Variants in PTK2 observed in about 807,000 individuals in gnomAD.
PTK2 encodes the protein focal adhesion kinase 1.
In PTK2, 45 loss-of-function variants were observed where a neutral mutation model predicts 150.1. That is an observed-to-expected ratio of 0.30 (90% confidence interval 0.24 to 0.38). The LOEUF is 0.38. Ranked by LOEUF, PTK2 falls within the 10% of genes least tolerant of loss-of-function variation. The probability of loss-of-function intolerance (pLI) is 1.00; values close to 1 mark genes in which losing one functional copy is unlikely to be tolerated. For synonymous variants in PTK2, 432 were observed against 449.2 expected, an observed-to-expected ratio of 0.96 and a Z score of 0.48; for missense variants, 919 against 1,307.3, an observed-to-expected ratio of 0.70 and a Z score of 4.58.
chr8:140,946,970 GA>G (rs1397540644), intron 1 of PTK2, among the ~76,000 whole-genome samples: 1 of 152,002 alleles, frequency 6.6e-6, no homozygotes, highest in East Asian at 1.9e-4. Context: ...AACAAGCCTG[GA>G]AAAAAGTCCA....
At chr8:140,726,097 T>G (rs997740671) in intron 22 of PTK2, among the ~76,000 whole-genome samples, 1 of 151,950 alleles carries the variant, frequency 6.6e-6, no homozygotes, top group African/African-American at 2.4e-5. Context: ...AAATAAAATC[T>G]CCATTGGATG....
At chr8:140,861,405 A>G (rs2100136015) in intron 5 of PTK2, among the ~76,000 whole-genome samples, 1 of 152,186 alleles carries the variant, frequency 6.6e-6, no homozygotes, top group African/African-American at 2.4e-5. Context: ...AATTTAACAG[A>G]TTTTTAAAAA....
chr8:140,925,610 A>C, intron 2 of PTK2, 51 bp downstream of exon 2: 1 of 966,852 alleles, frequency 1.0e-6, no homozygotes, highest in Non-Finnish European at 1.2e-6. Context: ...AAAAGGTGAC[A>C]GTACTGGCAT....
intron 1 of PTK2, among the ~76,000 whole-genome samples, chr8:141,000,113 ACACACACACACACC>A (rs1255437351): frequency 4.0e-5 from 6 of 150,164 alleles, no homozygotes; most frequent in South Asian, 2.1e-4. Context: ...ACACACACAC[ACACACACACACACC>A]CCTTCTTCTA....
chr8:140,990,910 ACT>A (rs967992587), intron 1 of PTK2, among the ~76,000 whole-genome samples: 1 of 151,768 alleles, frequency 6.6e-6, no homozygotes, highest in Non-Finnish European at 1.5e-5. Context: ...TGGACGGGAG[ACT>A]CTTTTTCACT....
At chr8:140,927,974 AAAT>A (rs1397379617) in intron 1 of PTK2, among the ~76,000 whole-genome samples, 3,591 of 63,784 alleles carry the variant, frequency 0.056, 54 homozygotes, top group Non-Finnish European at 0.081. Flanking sequence ...AAAAAAAAAA[AAAT>A]ATATATATAT....
chr8:140,902,924 G>GTTTTTTTTTTTTTTTTTTTTTT (rs61261890), intron 2 of PTK2, among the ~76,000 whole-genome samples: 1 of 58,950 alleles, frequency 1.7e-5, no homozygotes, highest in Non-Finnish European at 3.8e-5. Flanking sequence ...GATGAGAGTT[G>GTTTTTTTTTTTTTTTTTTTTTT]TTTTTTTTTT....
intron 1 of PTK2, among the ~76,000 whole-genome samples, chr8:140,985,843 G>T (rs1359594170): frequency 6.6e-6 from 1 of 151,860 alleles, no homozygotes. Context: ...ATACTTAATA[G>T]TTATCTACTC....
At chr8:140,796,950 C>T (rs1185123717) in intron 12 of PTK2, among the ~76,000 whole-genome samples, 1 of 152,090 alleles carries the variant, frequency 6.6e-6, no homozygotes, top group Non-Finnish European at 1.5e-5. Flanking sequence ...CATAGTATTA[C>T]ATCATGTATG....
chr8:140,709,078 T>C (rs1181193583), intron 23 of PTK2, among the ~76,000 whole-genome samples: 1 of 152,170 alleles, frequency 6.6e-6, no homozygotes, highest in African/African-American at 2.4e-5. Flanking sequence ...AGCAATATTA[T>C]AACCCCTATT....
intron 22 of PTK2, among the ~76,000 whole-genome samples, chr8:140,727,581 T>TA (rs529532749): frequency 3.2e-4 from 49 of 151,788 alleles, no homozygotes; most frequent in Non-Finnish European, 5.4e-4. Context: ...CAAAATCGCT[T>TA]AAAAAAAACA....
intron 2 of PTK2, among the ~76,000 whole-genome samples, chr8:140,895,391 G>A (rs562837478): frequency 1.4e-3 from 208 of 152,174 alleles, no homozygotes; most frequent in Non-Finnish European, 2.1e-3. Context: ...GCATGGTGGT[G>A]TGTGCCTGTA....
chr8:140,745,521 G>T lies in PTK2; in HGVS notation c.1519-754C>A, dbSNP rs2100058188. On this transcript the variant is annotated intron_variant, in intron 18 of 31. Transcript: ENST00000522684. ...CATAAGCACTCCATTTGATTTGGTG[G>T]AGGAGGAAGAGATGTTCAGCTGATG... Among the ~76,000 whole-genome samples, 4 of 152,296 alleles carry T rather than the reference G, an allele frequency of 2.6e-5. No individual in the cohort carries two copies. The South Asian group carries it at 6.2e-4, about 24-fold the overall frequency.
intron 26 of PTK2, among the ~76,000 whole-genome samples, chr8:140,697,035 G>A (rs2100027017): frequency 6.6e-6 from 1 of 151,138 alleles, no homozygotes; most frequent in South Asian, 2.1e-4. Flanking sequence ...TTGGGAGGCT[G>A]AGGTGGGAGG....
At chr8:140,731,079 C>T (rs1215208208) in intron 22 of PTK2, among the ~76,000 whole-genome samples, 1 of 150,224 alleles carries the variant, frequency 6.7e-6, no homozygotes, top group Non-Finnish European at 1.5e-5. Context: ...CTTGCCTCAG[C>T]CTCTTGAATA....
At chr8:140,786,236 T>C (rs1206696255) in intron 14 of PTK2, among the ~76,000 whole-genome samples, 1 of 152,198 alleles carries the variant, frequency 6.6e-6, no homozygotes. Flanking sequence ...GCAGCTGGCA[T>C]ACAGTTGACT....
chr8:140,950,071 T>TGCAGG (rs2100179033), intron 1 of PTK2, among the ~76,000 whole-genome samples: 2 of 151,882 alleles, frequency 1.3e-5, no homozygotes, highest in African/African-American at 4.8e-5. Context: ...AGCTACCCAC[T>TGCAGG]TTGGGTCTCC....
At chr8:140,761,140 T>C (rs777524382) in intron 16 of PTK2, 25 bp downstream of exon 19, 1 of 1,477,216 alleles carries the variant, frequency 6.8e-7, no homozygotes, top group Non-Finnish European at 9.4e-7. Flanking sequence ...TTAGTCTAGT[T>C]GTTTGGTAGT....
intron 7 of PTK2, among the ~76,000 whole-genome samples, chr8:140,830,736 C>T (rs2100114875): frequency 6.6e-6 from 1 of 152,134 alleles, no homozygotes; most frequent in Admixed American, 6.5e-5. Flanking sequence ...AACATGAATA[C>T]AAGTTGGTTT....
Sources: allele counts gnomAD v4.1 joint callset (sites outside exome capture counted in the v4.1 genomes callset), GRCh38; gene constraint gnomAD v4.1.1; transcripts MANE v1.5; gene names NCBI Gene and HGNC (gene_info 2026-07-23, HGNC 2026-07-21).